The following EEIG2 variants were observed in gnomAD, a reference collection of about 807,000 sequenced individuals.
EEIG2 encodes the protein EEIG family member 2.
At chr1:108,623,491 T>A in the EEIG2 span, among the ~76,000 whole-genome samples, 1 of 152,102 alleles carries the variant, frequency 6.6e-6, no homozygotes, top group Admixed American at 6.6e-5. Context: ...CGAGACCCTG[T>A]CTCAAAATAA....
At chr1:108,573,378 T>G in the EEIG2 span, among the ~76,000 whole-genome samples, 4 of 152,212 alleles carry the variant, frequency 2.6e-5, no homozygotes, top group Non-Finnish European at 4.4e-5. Flanking sequence ...GAAATAGAGT[T>G]TAGATTTCTC....
chr1:108,624,118 A>G, the EEIG2 span, among the ~76,000 whole-genome samples: 1 of 152,198 alleles, frequency 6.6e-6, no homozygotes, highest in Non-Finnish European at 1.5e-5. Context: ...AAACAAATCT[A>G]AACAACTGGG....
the EEIG2 span, among the ~76,000 whole-genome samples, chr1:108,603,815 A>G: frequency 5.3e-5 from 8 of 152,374 alleles, no homozygotes; most frequent in African/African-American, 1.2e-4. Context: ...TGAAAAGTAC[A>G]TTAACTAAAA....
At chr1:108,615,786 TAAA>T in the EEIG2 span, among the ~76,000 whole-genome samples, 1 of 114,518 alleles carries the variant, frequency 8.7e-6, no homozygotes, top group Non-Finnish European at 1.9e-5. Flanking sequence ...TCTCAAGAAT[TAAA>T]AAAAAAAAAA....
the EEIG2 span, among the ~76,000 whole-genome samples, chr1:108,591,731 G>T: frequency 1.4e-4 from 21 of 152,106 alleles, no homozygotes; most frequent in Admixed American, 1.4e-3. Context: ...ACCAAGGCAG[G>T]CCTGGTCATA....
the EEIG2 span, among the ~76,000 whole-genome samples, chr1:108,606,792 G>A: frequency 6.6e-6 from 1 of 152,108 alleles, no homozygotes; most frequent in African/African-American, 2.4e-5. Context: ...CTGAGAGATT[G>A]TACACTAGTC....
chr1:108,593,710 G>A, the EEIG2 span, among the ~76,000 whole-genome samples: 1 of 152,206 alleles, frequency 6.6e-6, no homozygotes, highest in Non-Finnish European at 1.5e-5. Context: ...GCCTTATCTA[G>A]AGGCTAGGAC....
chr1:108,596,292 G>A, the EEIG2 span, among the ~76,000 whole-genome samples: 2 of 151,740 alleles, frequency 1.3e-5, no homozygotes, highest in Non-Finnish European at 2.9e-5. Context: ...TTTTAACAAA[G>A]TCATAAATAC....
chr1:108,636,048 TAACA>T, the EEIG2 span: 2 of 152,216 alleles, frequency 1.3e-5, no homozygotes, highest in Non-Finnish European at 2.9e-5. Flanking sequence ...TATCTGAGGC[TAACA>T]GTTTTCCGAA....
chr1:108,606,356 T>C, the EEIG2 span: 6 of 679,538 alleles, frequency 8.8e-6, no homozygotes, highest in South Asian at 2.3e-4. Flanking sequence ...CTGTTCAAGC[T>C]TGGCTCTTTT....
the EEIG2 span, among the ~76,000 whole-genome samples, chr1:108,592,933 G>A: frequency 1.3e-5 from 2 of 152,032 alleles, no homozygotes; most frequent in African/African-American, 4.8e-5. Context: ...CAGGGTGGGC[G>A]GGTCACTTGA....
At chr1:108,616,874 T>C in the EEIG2 span, among the ~76,000 whole-genome samples, 1 of 152,064 alleles carries the variant, frequency 6.6e-6, no homozygotes, top group Non-Finnish European at 1.5e-5. Context: ...ATATATAATA[T>C]ACAAACGGTT....
the EEIG2 span, chr1:108,560,712 A>C: frequency 2.1e-6 from 2 of 974,592 alleles, no homozygotes; most frequent in Non-Finnish European, 2.9e-6. Flanking sequence ...AGTGCTTTGC[A>C]AATGGGTTCT....
the EEIG2 span, among the ~76,000 whole-genome samples, chr1:108,586,229 T>C: frequency 1.3e-5 from 2 of 152,060 alleles, no homozygotes; most frequent in African/African-American, 4.8e-5. Context: ...AGAATCATTT[T>C]ACCCAAGGAC....
chr1:108,567,209 G>C, the EEIG2 span, among the ~76,000 whole-genome samples: 1 of 152,068 alleles, frequency 6.6e-6, no homozygotes, highest in Non-Finnish European at 1.5e-5. Flanking sequence ...CAGAAATGGA[G>C]TCATCAATTC....
the EEIG2 span, chr1:108,627,594 T>C: frequency 6.6e-6 from 1 of 152,364 alleles, no homozygotes; most frequent in African/African-American, 2.4e-5. Context: ...CTATAATCAC[T>C]TTCTTAAGAA....
chr1:108,619,275 A>C, the EEIG2 span, among the ~76,000 whole-genome samples: 1 of 152,194 alleles, frequency 6.6e-6, no homozygotes, highest in Non-Finnish European at 1.5e-5. Flanking sequence ...AAATAAGCAG[A>C]CATTACCTAA....
At chr1:108,570,576 AAAGAC>A in the EEIG2 span, among the ~76,000 whole-genome samples, 1 of 152,234 alleles carries the variant, frequency 6.6e-6, no homozygotes, top group South Asian at 2.1e-4. Context: ...GAAGCTGACC[AAAGAC>A]AAGTCCAAAA....
the EEIG2 span, chr1:108,624,574 C>A: frequency 7.3e-7 from 1 of 1,361,046 alleles, no homozygotes; most frequent in Non-Finnish European, 1.0e-6. Flanking sequence ...GCTTACTAAG[C>A]TCACCAATCA....
Sources: gnomAD v4.1 joint callset for allele counts (sites outside exome capture counted in the v4.1 genomes callset) on GRCh38, gnomAD v4.1.1 for gene constraint, MANE v1.5 for transcripts, NCBI Gene and HGNC (gene_info 2026-07-23, HGNC 2026-07-21) for gene names.